Variants in ZC3H12B observed in about 807,000 individuals in gnomAD.
The protein encoded by ZC3H12B is zinc finger CCCH-type containing 12B.
Under a neutral mutation model 43.9 loss-of-function variants are expected in ZC3H12B, and 7 were observed. The ratio of observed to expected loss-of-function variants is 0.16; its 90% CI spans 0.09 to 0.30. The LOEUF (loss-of-function observed/expected upper bound fraction) is 0.30, where lower values mean the gene tolerates loss of function less well. Ranked by LOEUF, ZC3H12B falls within the 10% of genes least tolerant of loss-of-function variation. The pLI, the probability that ZC3H12B is intolerant of heterozygous loss-of-function variation, is 1.00. For synonymous variants in ZC3H12B, 222 were observed against 241.7 expected (o/e 0.92, Z 0.76); for missense variants, 475 against 670.2 (o/e 0.71, Z 3.22).
chrX:65,146,947 C>T, the ZC3H12B span, among the ~76,000 whole-genome samples: 1 of 111,786 alleles, frequency 8.9e-6, no homozygotes, highest in African/African-American at 3.3e-5. Flanking sequence ...TGCAGCTGTT[C>T]TGGAGCAAAA....
chrX:65,227,259 G>A, the ZC3H12B span, among the ~76,000 whole-genome samples: 4 of 111,456 alleles, frequency 3.6e-5, no homozygotes, highest in Non-Finnish European at 7.5e-5. Context: ...CATGGAAACT[G>A]AACAACCTGC....
the ZC3H12B span, among the ~76,000 whole-genome samples, chrX:65,143,853 G>A: frequency 9.0e-6 from 1 of 111,045 alleles, no homozygotes; most frequent in African/African-American, 3.3e-5. Context: ...ACAAGCGTGA[G>A]CCACTGGACC....
the ZC3H12B span, among the ~76,000 whole-genome samples, chrX:65,070,785 G>A: frequency 2.1e-5 from 2 of 95,575 alleles, no homozygotes; most frequent in East Asian, 6.4e-4. Flanking sequence ...GTATTGCATT[G>A]TGGTCCAAGA....
At chrX:65,241,846 T>A in the ZC3H12B span, among the ~76,000 whole-genome samples, 1 of 111,590 alleles carries the variant, frequency 9.0e-6, no homozygotes, top group African/African-American at 3.3e-5. Context: ...TTCAGCCCTT[T>A]TTTCGGTAGA....
the ZC3H12B span, among the ~76,000 whole-genome samples, chrX:65,359,596 A>G: frequency 1.8e-5 from 2 of 112,060 alleles, no homozygotes; most frequent in African/African-American, 6.5e-5. Context: ...AACTAGAATT[A>G]GAAGCTGAGC....
chrX:65,181,567 T>A, the ZC3H12B span, among the ~76,000 whole-genome samples: 53 of 108,888 alleles, frequency 4.9e-4, no homozygotes, highest in African/African-American at 1.7e-3. Context: ...AGAAAAAAAA[T>A]AACCTCATCA....
the ZC3H12B span, among the ~76,000 whole-genome samples, chrX:65,061,795 C>A: frequency 2.7e-5 from 3 of 112,197 alleles, no homozygotes; most frequent in Non-Finnish European, 3.8e-5. Flanking sequence ...AGTGTAAAAG[C>A]ATTCTTATTT....
At chrX:65,298,888 A>G in the ZC3H12B span, among the ~76,000 whole-genome samples, 1 of 111,664 alleles carries the variant, frequency 9.0e-6, no homozygotes, top group South Asian at 3.7e-4. Context: ...AGCAGGAAAG[A>G]GATGTGCCAA....
the ZC3H12B span, among the ~76,000 whole-genome samples, chrX:65,059,272 C>T: frequency 1.3e-4 from 13 of 99,059 alleles, no homozygotes; most frequent in Middle Eastern, 5.9e-3. Context: ...TGCGCTTGTG[C>T]GGTATTGCTC....
chrX:65,239,284 A>G, the ZC3H12B span, among the ~76,000 whole-genome samples: 2 of 111,232 alleles, frequency 1.8e-5, no homozygotes, highest in Admixed American at 9.5e-5. Flanking sequence ...TATTTAGGAT[A>G]GTTAGCTCTT....
chrX:65,408,671 G>A lies in ZC3H12B; in HGVS notation n.407+9967G>A, dbSNP rs894487490. 1.0e-5 allele frequency: 10 copies of A among 985,155 alleles called. No individual in the cohort carries two copies. The Admixed American group carries it at 1.0e-4, about 10-fold the overall frequency. The allele number at this position is 985,155 out of a possible 1,213,427, so 81.2% of individuals were successfully genotyped here. ...AGAGCACCACAGAGATGAGAGGCCCGGCAAGCCAGATTAGGACTTTGTCCT... is the reference window on the plus strand; with the variant it reads ...AGAGCACCACAGAGATGAGAGGCCCAGCAAGCCAGATTAGGACTTTGTCCT... On this transcript the variant is annotated intron_variant and non_coding_transcript_variant, in intron 3 of 5. Coordinates refer to the ZC3H12B transcript ENST00000617377.
chrX:65,225,198 C>G, the ZC3H12B span, among the ~76,000 whole-genome samples: 2 of 112,082 alleles, frequency 1.8e-5, no homozygotes, highest in Non-Finnish European at 3.8e-5. Flanking sequence ...AATGATCAGA[C>G]AGCAGCATTC....
the ZC3H12B span, among the ~76,000 whole-genome samples, chrX:65,193,431 G>T: frequency 1.8e-5 from 2 of 111,463 alleles, no homozygotes; most frequent in African/African-American, 6.5e-5. Context: ...GCACATAGTT[G>T]CTCATTGTAG....
chrX:65,416,662 C>A (rs779888603), intron 3 of ZC3H12B, among the ~76,000 whole-genome samples: 7 of 108,143 alleles, frequency 6.5e-5, no homozygotes, highest in Non-Finnish European at 1.3e-4. Context: ...TGGTGGTGGG[C>A]GCCTGTAGTT....
chrX:65,060,649 A>C, the ZC3H12B span, among the ~76,000 whole-genome samples: 17 of 111,780 alleles, frequency 1.5e-4, no homozygotes, highest in African/African-American at 5.5e-4. Flanking sequence ...AGATATATTC[A>C]CCTGTAGTTT....
chrX:65,438,712 G>A (rs1204836135), intron 3 of ZC3H12B, among the ~76,000 whole-genome samples: 3 of 113,486 alleles, frequency 2.6e-5, no homozygotes, highest in African/African-American at 9.6e-5. Context: ...GCAGGAACAC[G>A]CCCTTAAGAC....
Position 65,438,317 on chromosome X carries a change from A to G in ZC3H12B, n.407+39613A>G, listed in dbSNP as rs186035986. ...GAATCTGTACCTTACTTGATGTAGT[A>G]TGGACATTTTCACAATATTCTTCCA... On this transcript the variant is annotated intron_variant and non_coding_transcript_variant, in intron 3 of 5. Transcript: ENST00000617377. Among the ~76,000 whole-genome samples, 7 of 112,197 alleles carry G rather than the reference A, an allele frequency of 6.2e-5. No individual in the cohort carries two copies. In the South Asian group the frequency reaches 1.5e-3, roughly 24 times the overall value.
At chrX:65,454,641 A>C (rs759777242) in intron 3 of ZC3H12B, among the ~76,000 whole-genome samples, 1 of 111,902 alleles carries the variant, frequency 8.9e-6, no homozygotes, top group Non-Finnish European at 1.9e-5. Flanking sequence ...GTGGTTCTCC[A>C]GCACGCAGCT....
chrX:65,457,480 G>A (rs1374866396), intron 3 of ZC3H12B, among the ~76,000 whole-genome samples: 3 of 85,235 alleles, frequency 3.5e-5, no homozygotes, highest in African/African-American at 1.2e-4. Context: ...CGCCCCATCC[G>A]GGAGGTGAGG....
Sources: gnomAD v4.1 joint callset for allele counts (sites outside exome capture counted in the v4.1 genomes callset) on GRCh38, gnomAD v4.1.1 for gene constraint, MANE v1.5 for transcripts, NCBI Gene and HGNC (gene_info 2026-07-23, HGNC 2026-07-21) for gene names.